The following PIWIL4 variants were observed in gnomAD, a reference collection of about 807,000 sequenced individuals.
The protein encoded by PIWIL4 is piwi like RNA-mediated gene silencing 4.
In PIWIL4, 50 loss-of-function variants were observed where a neutral mutation model predicts 100.9. That is an observed-to-expected ratio of 0.50 (90% CI 0.39 to 0.63). The LOEUF (loss-of-function observed/expected upper bound fraction) is 0.63, where lower values mean the gene tolerates loss of function less well. PIWIL4 is among the 20% of genes least tolerant of loss of function. The pLI is 0.00. For synonymous variants in PIWIL4, 342 were observed against 367.5 expected (o/e 0.93, Z 0.79); for missense variants, 887 against 1,043.3 (o/e 0.85, Z 2.06).
chr11:94,573,046 A>G (rs541116896), intron 2 of PIWIL4, among the ~76,000 whole-genome samples: 2 of 152,330 alleles, frequency 1.3e-5, no homozygotes, highest in South Asian at 4.1e-4. Context: ...TTCCCTTTGA[A>G]GGAATTGTGA....
chr11:94,581,134 A>G (rs1948310219), intron 4 of PIWIL4, among the ~76,000 whole-genome samples: 1 of 152,126 alleles, frequency 6.6e-6, no homozygotes, highest in South Asian at 2.1e-4. Context: ...TTCTGACCTC[A>G]GGTGATCCAC....
chr11:94,610,226 T>TTG (rs35398586), intron 15 of PIWIL4, among the ~76,000 whole-genome samples: 38 of 151,520 alleles, frequency 2.5e-4, no homozygotes, highest in African/African-American at 5.1e-4. Context: ...TAATATTCTA[T>TTG]TGTGTGTGTG....
intron 8 of PIWIL4, 125 bp downstream of exon 8, chr11:94,589,357 G>T: frequency 4.1e-6 from 3 of 730,388 alleles, no homozygotes; most frequent in Middle Eastern, 2.5e-4. Context: ...TCTCTGACTT[G>T]TCTCTCTCCT....
chr11:94,593,723 T>C, intron 9 of PIWIL4, 82 bp downstream of exon 9: 1 of 1,462,946 alleles, frequency 6.8e-7, no homozygotes, highest in Non-Finnish European at 9.2e-7. Flanking sequence ...CTCTTTAAGT[T>C]ACATGAATGC....
intron 11 of PIWIL4, among the ~76,000 whole-genome samples, chr11:94,599,332 A>G (rs1168712236): frequency 1.3e-5 from 2 of 152,240 alleles, no homozygotes; most frequent in Non-Finnish European, 2.9e-5. Context: ...GCATTAAAAC[A>G]GGAGAACTCA....
At chr11:94,612,909 TATTA>T (rs1948802848) in intron 15 of PIWIL4, among the ~76,000 whole-genome samples, 1 of 152,198 alleles carries the variant, frequency 6.6e-6, no homozygotes, top group Non-Finnish European at 1.5e-5. Flanking sequence ...TAGCTGTTTT[TATTA>T]ATTGTATTGT....
intron 1 of PIWIL4, 63 bp from the exon 2 acceptor site, chr11:94,568,667 A>C: frequency 2.3e-6 from 3 of 1,293,886 alleles, no homozygotes; most frequent in Non-Finnish European, 3.4e-6. Context: ...TGTTCTTAGG[A>C]TAATCTTTTG....
chr11:94,608,637 GA>G lies in PIWIL4; in HGVS notation c.1895del (p.Asp632AlafsTer2). 1 of 1,614,140 alleles carries G rather than the reference GA, an allele frequency of 6.2e-7. No homozygotes were observed. The highest frequency in any genetic ancestry group is 8.5e-7 in the Non-Finnish European group (1 of 1,180,006). On this transcript the variant is annotated frameshift_variant, in exon 15 of 20. Coordinates refer to ENST00000299001, the MANE Select transcript of PIWIL4 (RefSeq NM_152431.3). LOFTEE classifies it high-confidence loss of function. ...IDVCKDALSK[D>X]VMVVGCVASV... The stretch of plus-strand genomic sequence containing the variant: ...TGTCTGTAAAGATGCACTCAGCAAG[GA>G]CGTGATGGTTGTTGGATGCGTGGCC...
At chr11:94,611,334 G>A (rs1283321943) in intron 15 of PIWIL4, among the ~76,000 whole-genome samples, 1 of 151,834 alleles carries the variant, frequency 6.6e-6, no homozygotes, top group Non-Finnish European at 1.5e-5. Context: ...ATTTTGTTGA[G>A]GATTTTTACA....
intron 12 of PIWIL4, among the ~76,000 whole-genome samples, chr11:94,602,707 TTTTC>T (rs939433634): frequency 6.6e-6 from 1 of 152,238 alleles, no homozygotes; most frequent in African/African-American, 2.4e-5. Flanking sequence ...GAACAGATAC[TTTTC>T]TTTGTTATAA....
chr11:94,568,216 T>C (rs1157840597), intron 1 of PIWIL4, among the ~76,000 whole-genome samples: 1 of 152,152 alleles, frequency 6.6e-6, no homozygotes, highest in African/African-American at 2.4e-5. Flanking sequence ...ACTTTGTTCA[T>C]TTTTTAGCAG....
chr11:94,603,925 AT>A, intron 12 of PIWIL4, 58 bp from the exon 13 acceptor site: 2 of 1,033,816 alleles, frequency 1.9e-6, no homozygotes, highest in South Asian at 1.4e-5. Flanking sequence ...CTAATGCCAT[AT>A]AAGTATGTGC....
At chr11:94,600,269 A>G (rs1948616367) in intron 11 of PIWIL4, among the ~76,000 whole-genome samples, 2 of 152,200 alleles carry the variant, frequency 1.3e-5, no homozygotes, top group Non-Finnish European at 2.9e-5. Context: ...CTTAACTATC[A>G]GGGAACCTGC....
intron 10 of PIWIL4, among the ~76,000 whole-genome samples, chr11:94,597,433 C>T (rs1591793801): frequency 6.6e-6 from 1 of 152,226 alleles, no homozygotes; most frequent in Non-Finnish European, 1.5e-5. Flanking sequence ...CATATTTCAT[C>T]TTTATATCAA....
At chr11:94,591,362 C>T (rs565651018) in intron 8 of PIWIL4, among the ~76,000 whole-genome samples, 24 of 152,350 alleles carry the variant, frequency 1.6e-4, no homozygotes, top group African/African-American at 5.8e-4. Context: ...GTGAAGTCCT[C>T]TCTGACTTTG....
intron 13 of PIWIL4, among the ~76,000 whole-genome samples, chr11:94,605,093 C>T (rs1473639838): frequency 2.0e-5 from 3 of 152,164 alleles, no homozygotes; most frequent in Non-Finnish European, 2.9e-5. Flanking sequence ...AGGCATGATG[C>T]CCCAGTGCCC....
intron 19 of PIWIL4, 52 bp downstream of exon 19, chr11:94,620,196 T>A: frequency 6.6e-7 from 1 of 1,508,396 alleles, no homozygotes; most frequent in Non-Finnish European, 8.9e-7. Flanking sequence ...GAGTCCCACC[T>A]AGGAATTATC....
chr11:94,599,691 T>C (rs1192183993), intron 11 of PIWIL4, among the ~76,000 whole-genome samples: 1 of 152,134 alleles, frequency 6.6e-6, no homozygotes, highest in Admixed American at 6.5e-5. Context: ...TGGCTGATGG[T>C]TGGAAGTCAG....
At chr11:94,605,022 T>C (rs1948696306) in intron 13 of PIWIL4, among the ~76,000 whole-genome samples, 1 of 152,214 alleles carries the variant, frequency 6.6e-6, no homozygotes, top group Admixed American at 6.5e-5. Context: ...TTATTGACCT[T>C]TTACCATATT....
Sources: allele counts gnomAD v4.1 joint callset (sites outside exome capture counted in the v4.1 genomes callset), GRCh38; gene constraint gnomAD v4.1.1; transcripts MANE v1.5; gene names NCBI Gene and HGNC (gene_info 2026-07-23, HGNC 2026-07-21).